Variants in ZNF423 observed in about 807,000 individuals in gnomAD.
The protein encoded by ZNF423 is Ebf-associated zinc finger protein.
ZNF423 carries 12 observed loss-of-function variants against 95.8 expected under a neutral mutation model. The observed-to-expected ratio is 0.13, with a 90% CI of 0.08 to 0.20. The LOEUF (loss-of-function observed/expected upper bound fraction) is 0.20. ZNF423 is among the 10% of genes least tolerant of loss of function. ZNF423 has a pLI of 1.00. For synonymous variants in ZNF423, 749 were observed against 711.9 expected (o/e 1.05, Z -0.83); for missense variants, 1,316 against 1,737.1 (o/e 0.76, Z 4.31).
intron 2 of ZNF423, among the ~76,000 whole-genome samples, chr16:49,780,858 CT>C (rs2034200891): frequency 6.6e-6 from 1 of 152,244 alleles, no homozygotes; most frequent in African/African-American, 2.4e-5. Flanking sequence ...CTGGGAAATT[CT>C]ACATCTATTT....
At chr16:49,787,923 C>T (rs1449394564) in intron 2 of ZNF423, among the ~76,000 whole-genome samples, 2 of 152,204 alleles carry the variant, frequency 1.3e-5, no homozygotes, top group Non-Finnish European at 2.9e-5. Flanking sequence ...CTGCACCCCT[C>T]GTCTCTCAGG....
At position 49,510,755 on chromosome 16, in the gene ZNF423, G is replaced by A. The variant is rs568542359; in HGVS notation, c.3849+12869C>T. On this transcript the variant is annotated intron_variant, in intron 7 of 7. Transcript: ENST00000563137. The stretch of plus-strand genomic sequence containing the variant: ...TGCAAACCTCTGTGGATGTGGAGCC[G>A]GTGAGGCGCCGCCACTCGCAGTGTT... Among the ~76,000 whole-genome samples, 15 of 152,282 alleles carry A rather than the reference G, an allele frequency of 9.9e-5. No individual in the cohort carries two copies. The East Asian group carries it at 2.3e-3, about 24-fold the overall frequency.
intron 5 of ZNF423, among the ~76,000 whole-genome samples, chr16:49,536,015 C>A (rs1297513654): frequency 6.6e-6 from 1 of 152,224 alleles, no homozygotes; most frequent in East Asian, 1.9e-4. Flanking sequence ...AGGGTTTTCT[C>A]TACTGCCGAC....
At chr16:49,672,880 G>A (rs1345080804) in intron 3 of ZNF423, among the ~76,000 whole-genome samples, 16 of 152,108 alleles carry the variant, frequency 1.1e-4, no homozygotes, top group Admixed American at 1.0e-3. Flanking sequence ...AAAAAGAGTG[G>A]AGCATCTGTA....
intron 3 of ZNF423, among the ~76,000 whole-genome samples, chr16:49,710,410 G>C (rs1364147714): frequency 6.6e-6 from 1 of 152,196 alleles, no homozygotes; most frequent in Non-Finnish European, 1.5e-5. Context: ...CCCCAGGTCT[G>C]TTCAAATGGA....
chr16:49,643,167 G>T (rs1397687980), intron 3 of ZNF423, among the ~76,000 whole-genome samples: 1 of 152,086 alleles, frequency 6.6e-6, no homozygotes, highest in Non-Finnish European at 1.5e-5. Context: ...CATGCTGGAT[G>T]CTGGACACCA....
intron 1 of ZNF423, among the ~76,000 whole-genome samples, chr16:49,831,762 G>T (rs2035063411): frequency 6.6e-6 from 1 of 152,148 alleles, no homozygotes; most frequent in African/African-American, 2.4e-5. Context: ...AGGCCAGGGT[G>T]GGCAGATCAT....
intron 3 of ZNF423, among the ~76,000 whole-genome samples, chr16:49,673,283 A>T (rs946990563): frequency 6.6e-6 from 1 of 151,666 alleles, no homozygotes; most frequent in Non-Finnish European, 1.5e-5. Context: ...GAGCCCCACG[A>T]CTCCCCTGGT....
intron 5 of ZNF423, among the ~76,000 whole-genome samples, chr16:49,537,022 T>C (rs1404876997): frequency 6.6e-6 from 1 of 152,256 alleles, no homozygotes; most frequent in Admixed American, 6.5e-5. Flanking sequence ...CTCAGCCCTT[T>C]TGCTGTTAGC....
chr16:49,540,671 A>G (rs1231632097), intron 5 of ZNF423, among the ~76,000 whole-genome samples: 2 of 152,228 alleles, frequency 1.3e-5, no homozygotes, highest in Non-Finnish European at 2.9e-5. Flanking sequence ...CCCTGAATGC[A>G]CAAGGGCAGG....
Position 49,638,080 on chromosome 16 carries a change from C to A in ZNF423, c.1096G>T (p.Asp366Tyr), listed in dbSNP as rs760969654. 3 of 1,613,720 alleles carry A rather than the reference C, an allele frequency of 1.9e-6. No individual in the cohort carries two copies. Among genetic ancestry groups the A allele is most frequent in the Non-Finnish European group, 2.5e-6 (3 of 1,179,932 alleles). Reference protein sequence around the residue: ...PDSSNHSVSPDPVLGSVASMS... With the variant: ...PDSSNHSVSPYPVLGSVASMS... Reference sequence around the variant, plus strand: ...GAGGCCACGCTGCCCAGTACAGGGTCGGGACTGACACTGTGGTTGCTGGAG... The same window carrying A: ...GAGGCCACGCTGCCCAGTACAGGGTAGGGACTGACACTGTGGTTGCTGGAG... Residue 366 changes from aspartate (D) to tyrosine (Y), a missense_variant, in exon 4 of 8, where the codon GAC (aspartate) becomes TAC (tyrosine). Physicochemically the swap from Asp to Tyr is radical, Grantham distance 160. Around this residue, in one of 6 missense-constraint regions of ZNF423, gnomAD observed 399 missense variants for 478.5 expected, o/e 0.83. Transcript: ENST00000563137. The surrounding 1 kb of genome is among the most constrained non-coding windows in gnomAD (Gnocchi z 5.6).
intron 2 of ZNF423, among the ~76,000 whole-genome samples, chr16:49,771,608 A>G (rs1238154022): frequency 1.3e-5 from 2 of 152,184 alleles, no homozygotes; most frequent in East Asian, 3.9e-4. Flanking sequence ...TTCTCATGGT[A>G]GTGAGTAAAT....
chr16:49,837,597 T>C (rs879823636), intron 1 of ZNF423, among the ~76,000 whole-genome samples: 1 of 152,140 alleles, frequency 6.6e-6, no homozygotes, highest in Non-Finnish European at 1.5e-5. Flanking sequence ...CGACCCTGCC[T>C]CTTCCTTCAT....
intron 1 of ZNF423, among the ~76,000 whole-genome samples, chr16:49,836,418 T>A (rs1432990445): frequency 1.3e-5 from 2 of 151,954 alleles, no homozygotes; most frequent in African/African-American, 2.4e-5. Flanking sequence ...TCTCGGGGGA[T>A]CAAGGTGTTG....
chr16:49,627,333 T>C (rs1453455562), intron 4 of ZNF423, among the ~76,000 whole-genome samples: 1 of 136,942 alleles, frequency 7.3e-6, no homozygotes, highest in Non-Finnish European at 1.5e-5. Flanking sequence ...CCATCCTCCA[T>C]CTACCCATCC....
At chr16:49,559,377 T>C (rs1298151772) in intron 5 of ZNF423, among the ~76,000 whole-genome samples, 1 of 152,204 alleles carries the variant, frequency 6.6e-6, no homozygotes, top group African/African-American at 2.4e-5. Context: ...GGCTGGAGCA[T>C]CAGCATGGGG....
At chr16:49,688,094 GA>G (rs5816654) in intron 3 of ZNF423, among the ~76,000 whole-genome samples, 64,901 of 106,986 alleles carry the variant, frequency 0.61, 19,925 homozygotes, top group Non-Finnish European at 0.67. Flanking sequence ...GGTTGAGAGG[GA>G]AAAAAAAAAA....
chr16:49,502,382 C>A (rs1967444652), intron 7 of ZNF423, among the ~76,000 whole-genome samples: 1 of 152,182 alleles, frequency 6.6e-6, no homozygotes, highest in South Asian at 2.1e-4. Context: ...CATGGGCATT[C>A]CCACCCAGCC....
At chr16:49,640,231 A>G (rs1159113434) in intron 3 of ZNF423, among the ~76,000 whole-genome samples, 3 of 152,168 alleles carry the variant, frequency 2.0e-5, no homozygotes, top group Admixed American at 6.5e-5. Context: ...GGGATGGGGC[A>G]GGCGCACCAT....
Sources: gnomAD v4.1 joint callset for allele counts (sites outside exome capture counted in the v4.1 genomes callset) on GRCh38, gnomAD v4.1.1 for gene constraint, gnomAD v4.1.1 regional missense constraint, Gnocchi (gnomAD v3.1) non-coding constraint, MANE v1.5 for transcripts, NCBI Gene and HGNC (gene_info 2026-07-23, HGNC 2026-07-21) for gene names.